Variants in DCT observed in about 807,000 individuals in gnomAD.
The protein encoded by DCT is dopachrome tautomerase.
DCT carries 47 observed loss-of-function variants against 53.0 expected under a neutral mutation model. That is an observed-to-expected ratio of 0.89 (90% CI 0.70 to 1.13). The LOEUF (loss-of-function observed/expected upper bound fraction) is 1.13. Among genes scored for constraint, DCT ranks in the 50% most tolerant of loss-of-function variants. The pLI, the probability that DCT is intolerant of heterozygous loss-of-function variation, is 0.00. For missense variants in DCT, 669 were observed against 637.4 expected (o/e 1.05, Z -0.53); for synonymous variants, 244 against 237.0 (o/e 1.03, Z -0.27).
chr13:94,455,380 T>A (rs935176619), intron 6 of DCT, among the ~76,000 whole-genome samples: 7 of 55,632 alleles, frequency 1.3e-4, no homozygotes, highest in Non-Finnish European at 2.9e-4. Flanking sequence ...AGACTGTCTC[T>A]TAGAGAGAGA....
the DCT span, among the ~76,000 whole-genome samples, chr13:94,537,444 C>A: frequency 1.3e-5 from 2 of 152,064 alleles, no homozygotes; most frequent in Non-Finnish European, 2.9e-5. Flanking sequence ...CTAAATTAAC[C>A]CAAGTTAGTG....
Position 94,460,106 on chromosome 13 carries a change from A to G in DCT, c.1164T>C (p.Asn388=). The change falls in exon 6 of 8, where the codon AAT becomes AAC. Residue 388 remains asparagine (N), a synonymous_variant. Transcript: ENST00000377028. ...GTNALPHSAA[N]DPIFVVLHSF... is the part of the protein sequence containing the mutation. Reference sequence around the variant, plus strand: ...TTGAACATACCACAAAAATGGGATCATTGGCGGCTGAATGTGGCAAAGCGT... The same window carrying G: ...TTGAACATACCACAAAAATGGGATCGTTGGCGGCTGAATGTGGCAAAGCGT... The G allele has an allele frequency of 1.2e-6, 2 of 1,614,050 alleles. No homozygotes were observed. Among genetic ancestry groups the G allele is most frequent in the Middle Eastern group, 1.6e-4 (1 of 6,062 alleles).
upstream of DCT, among the ~76,000 whole-genome samples, chr13:94,480,427 A>C (rs1382386440): frequency 6.6e-6 from 1 of 152,210 alleles, no homozygotes; most frequent in Non-Finnish European, 1.5e-5. Flanking sequence ...TTCACAGTGG[A>C]AACAGGACTG....
chr13:94,439,901 G>A lies in DCT; in HGVS notation c.1557C>T (p.Ala519=), dbSNP rs755674670. ...HLSSKRYTEE[A] ...TCTTAGGTAAGGCATGAGCACCCTA[G>A]GCTTCTTCTGTGTATCTCTTGCTGC... is the stretch of plus-strand genomic sequence containing the variant. The change falls in exon 8 of 8, where the codon GCC becomes GCT. Residue 519 remains alanine (A), a synonymous_variant. Transcript: ENST00000377028. 6.2e-7 allele frequency: 1 copy of A among 1,612,914 alleles called. No homozygotes were observed. Among genetic ancestry groups the A allele is most frequent in the African/African-American group, 1.3e-5 (1 of 74,958 alleles).
chr13:94,527,467 C>T, the DCT span, among the ~76,000 whole-genome samples: 19 of 152,192 alleles, frequency 1.2e-4, no homozygotes, highest in African/African-American at 4.6e-4. Flanking sequence ...TGTTCTGCAG[C>T]CTCCGCTGGT....
chr13:94,489,035 C>T, the DCT span, among the ~76,000 whole-genome samples: 2 of 152,030 alleles, frequency 1.3e-5, no homozygotes, highest in Non-Finnish European at 2.9e-5. Context: ...CTGTGTGTGT[C>T]AATGTGTAGA....
At chr13:94,503,968 C>T in the DCT span, among the ~76,000 whole-genome samples, 1 of 152,178 alleles carries the variant, frequency 6.6e-6, no homozygotes, top group African/African-American at 2.4e-5. Flanking sequence ...GTTGGTTGTG[C>T]ATAAGTGAAG....
the DCT span, among the ~76,000 whole-genome samples, chr13:94,548,786 G>T: frequency 6.6e-6 from 1 of 152,170 alleles, no homozygotes; most frequent in Non-Finnish European, 1.5e-5. Context: ...GCAGGGGCAA[G>T]ACAGCAAAAG....
the DCT span, among the ~76,000 whole-genome samples, chr13:94,489,671 T>A: frequency 3.9e-5 from 6 of 152,074 alleles, no homozygotes; most frequent in African/African-American, 1.4e-4. Flanking sequence ...GACCTCTATT[T>A]CAATGGACAG....
the DCT span, among the ~76,000 whole-genome samples, chr13:94,487,223 T>C: frequency 6.6e-6 from 1 of 152,202 alleles, no homozygotes; most frequent in Non-Finnish European, 1.5e-5. Context: ...TAAGGAATGT[T>C]CTGAAAGCCA....
At chr13:94,470,744 C>T (rs551668159) in intron 1 of DCT, among the ~76,000 whole-genome samples, 16 of 152,244 alleles carry the variant, frequency 1.1e-4, no homozygotes, top group Non-Finnish European at 1.6e-4. Context: ...TTAAGCTTCA[C>T]GTTTGTGCTC....
In DCT at chr13:94,438,284, A is replaced by G. The variant is rs573333245; in HGVS notation, c.*1614T>C. ...TTGTTAATGGCAGGAACTGAGAGGT[A>G]TCCATGTGGCTGAGGCTAAAAAGCC... On this transcript the variant is annotated 3_prime_UTR_variant, in exon 8 of 8. Coordinates refer to ENST00000377028, the MANE Select transcript of DCT (RefSeq NM_001922.5). 4 of 169,602 alleles carry G rather than the reference A, an allele frequency of 2.4e-5. No homozygotes were observed. In the South Asian group the frequency reaches 6.0e-4, roughly 26 times the overall value. 10.5% of individuals were successfully genotyped at this position (169,602 alleles called of 1,614,324 possible). A position where few individuals can be genotyped will look rare whatever the true frequency, so the allele number is the denominator to read the frequency against.
chr13:94,521,006 G>C, the DCT span, among the ~76,000 whole-genome samples: 2 of 152,308 alleles, frequency 1.3e-5, no homozygotes, highest in East Asian at 1.9e-4. Flanking sequence ...GAAGACAAAG[G>C]CAGGCCTAAC....
chr13:94,546,446 A>G, the DCT span, among the ~76,000 whole-genome samples: 3 of 152,126 alleles, frequency 2.0e-5, no homozygotes, highest in Admixed American at 6.5e-5. This position sits in a 1 kb window ranked among gnomAD's most constrained non-coding sequence, Gnocchi z 4.2. Context: ...GCAATAGTAC[A>G]TTATGATTAC....
chr13:94,441,432 A>G (rs886617263), intron 7 of DCT, among the ~76,000 whole-genome samples: 1 of 152,158 alleles, frequency 6.6e-6, no homozygotes, highest in Admixed American at 6.5e-5. Flanking sequence ...GTACATTCAC[A>G]TTGTTGTGCG....
intron 1 of DCT, among the ~76,000 whole-genome samples, chr13:94,469,903 C>T (rs533060294): frequency 6.6e-6 from 1 of 152,056 alleles, no homozygotes; most frequent in Non-Finnish European, 1.5e-5. Context: ...GGTGAAACCT[C>T]GTCTCTACTA....
At chr13:94,547,794 A>AGCCTG in the DCT span, among the ~76,000 whole-genome samples, 1 of 151,342 alleles carries the variant, frequency 6.6e-6, no homozygotes, top group Admixed American at 6.6e-5. Flanking sequence ...GTTCAAGACC[A>AGCCTG]GCCTGGCCAA....
At chr13:94,545,811 C>T in the DCT span, among the ~76,000 whole-genome samples, 131 of 152,112 alleles carry the variant, frequency 8.6e-4, 1 homozygote, top group South Asian at 5.2e-3. Flanking sequence ...ACCTGCTTCC[C>T]GATCACTCCT....
At chr13:94,478,938 C>T (rs1885279091) in intron 1 of DCT, 23 bp downstream of exon 1, 3 of 1,575,468 alleles carry the variant, frequency 1.9e-6, no homozygotes, top group Non-Finnish European at 2.6e-6. Flanking sequence ...CCCTCCCCAC[C>T]AAGCTTGGAG....
Sources: gnomAD v4.1 joint callset for allele counts (sites outside exome capture counted in the v4.1 genomes callset) on GRCh38, gnomAD v4.1.1 for gene constraint, Gnocchi (gnomAD v3.1) non-coding constraint, MANE v1.5 for transcripts, NCBI Gene and HGNC (gene_info 2026-07-23, HGNC 2026-07-21) for gene names.